The following ZBTB20 variants were observed in gnomAD, a reference collection of about 807,000 sequenced individuals.
ZBTB20 encodes zinc finger and BTB domain-containing protein 20.
In ZBTB20, 9 loss-of-function variants were observed where a neutral mutation model predicts 56.9. The observed-to-expected ratio is 0.16, with a 90% CI of 0.10 to 0.28. The LOEUF (loss-of-function observed/expected upper bound fraction) is 0.28. Ranked by LOEUF, ZBTB20 falls within the 10% of genes least tolerant of loss-of-function variation. The pLI is 1.00. For missense variants in ZBTB20, 655 were observed against 1,003.0 expected (o/e 0.65, Z 4.69); for synonymous variants, 417 against 420.7 (o/e 0.99, Z 0.11).
At chr3:115,005,720 G>C (rs554678635) in intron 2 of ZBTB20, among the ~76,000 whole-genome samples, 44 of 151,882 alleles carry the variant, frequency 2.9e-4, no homozygotes, top group Middle Eastern at 3.4e-3. Context: ...TGCCTTCTTA[G>C]TTGAGGTCAC....
chr3:114,555,182 C>G (rs192482708), intron 6 of ZBTB20, among the ~76,000 whole-genome samples: 7 of 152,240 alleles, frequency 4.6e-5, no homozygotes, highest in Non-Finnish European at 1.0e-4. Flanking sequence ...ATTTCTTCAT[C>G]ATATATTTTT....
intron 2 of ZBTB20, among the ~76,000 whole-genome samples, chr3:115,064,985 G>T (rs547787343): frequency 2.6e-4 from 39 of 152,024 alleles, no homozygotes; most frequent in Admixed American, 2.2e-3. Flanking sequence ...GAACCTTTGG[G>T]GCTGAAAAAT....
chr3:114,415,618 T>C (rs2088465876), intron 7 of ZBTB20, among the ~76,000 whole-genome samples: 1 of 152,128 alleles, frequency 6.6e-6, no homozygotes, highest in African/African-American at 2.4e-5. Context: ...TTGCACATAG[T>C]ACTTAATAAA....
intron 7 of ZBTB20, among the ~76,000 whole-genome samples, chr3:114,471,349 C>T (rs187226344): frequency 1.9e-4 from 29 of 152,266 alleles, no homozygotes; most frequent in Admixed American, 1.2e-3. Flanking sequence ...TGACTAGTGG[C>T]ATTTTACTCC....
chr3:114,594,690 G>C (rs181757588), intron 6 of ZBTB20, among the ~76,000 whole-genome samples: 1 of 152,212 alleles, frequency 6.6e-6, no homozygotes, highest in African/African-American at 2.4e-5. Context: ...CAAAAAGAGG[G>C]TAAGGTCTTA....
intron 6 of ZBTB20, among the ~76,000 whole-genome samples, chr3:114,534,220 G>C (rs1559923187): frequency 6.6e-6 from 1 of 152,084 alleles, no homozygotes; most frequent in Non-Finnish European, 1.5e-5. Flanking sequence ...AGACCCATCA[G>C]TGTGCTGCAT....
At chr3:114,587,081 C>G (rs186709835) in intron 6 of ZBTB20, among the ~76,000 whole-genome samples, 4 of 149,884 alleles carry the variant, frequency 2.7e-5, no homozygotes, top group Admixed American at 6.7e-5. Flanking sequence ...ACGGCAACCT[C>G]CATCTCCCGG....
At chr3:114,926,585 AG>A (rs1170129575) in intron 3 of ZBTB20, among the ~76,000 whole-genome samples, 1 of 152,244 alleles carries the variant, frequency 6.6e-6, no homozygotes, top group Non-Finnish European at 1.5e-5. Flanking sequence ...ACAAAAAACT[AG>A]AAAAATGTCT....
chr3:114,787,284 T>C (rs978537636), intron 5 of ZBTB20, among the ~76,000 whole-genome samples: 2 of 147,912 alleles, frequency 1.4e-5, no homozygotes, highest in Admixed American at 6.8e-5. Context: ...CAGCCATGAA[T>C]GAGTCTTAAT....
chr3:114,626,851 G>A (rs191323393), intron 6 of ZBTB20, among the ~76,000 whole-genome samples: 10 of 152,244 alleles, frequency 6.6e-5, no homozygotes, highest in Non-Finnish European at 1.5e-4. Flanking sequence ...GTTGATCATC[G>A]CAGCCTAATT....
At chr3:114,647,797 T>C (rs2059928384) in intron 6 of ZBTB20, among the ~76,000 whole-genome samples, 1 of 152,130 alleles carries the variant, frequency 6.6e-6, no homozygotes, top group South Asian at 2.1e-4. Context: ...AAAAAAGATA[T>C]GTAATCCTGA....
intron 2 of ZBTB20, among the ~76,000 whole-genome samples, chr3:115,005,990 A>T (rs1384287741): frequency 6.7e-6 from 1 of 149,248 alleles, no homozygotes; most frequent in African/African-American, 2.4e-5. Flanking sequence ...TTGTTCCTAG[A>T]CATTGCCAAA....
chr3:114,598,468 C>A (rs1372532609), intron 6 of ZBTB20, among the ~76,000 whole-genome samples: 1 of 151,192 alleles, frequency 6.6e-6, no homozygotes, highest in Non-Finnish European at 1.5e-5. Flanking sequence ...TGCTCAATCC[C>A]TCTTGTATAA....
chr3:114,368,817 A>G (rs1401470629), intron 10 of ZBTB20, among the ~76,000 whole-genome samples: 3 of 152,228 alleles, frequency 2.0e-5, no homozygotes, highest in Non-Finnish European at 4.4e-5. Context: ...AGGATTACTT[A>G]GGCCACTTCA....
chr3:114,691,863 T>G (rs1049859221), intron 6 of ZBTB20, among the ~76,000 whole-genome samples: 2 of 152,172 alleles, frequency 1.3e-5, no homozygotes, highest in African/African-American at 4.8e-5. Context: ...TTAATGAGCA[T>G]GTATCATTTT....
At chr3:114,874,643 G>C (rs543058765) in intron 4 of ZBTB20, among the ~76,000 whole-genome samples, 2 of 152,228 alleles carry the variant, frequency 1.3e-5, no homozygotes, top group Non-Finnish European at 2.9e-5. Flanking sequence ...CAGGAAACAG[G>C]CTACACAGAC....
chr3:114,583,619 G>A (rs1314803216), intron 6 of ZBTB20, among the ~76,000 whole-genome samples: 2 of 152,158 alleles, frequency 1.3e-5, no homozygotes, highest in East Asian at 3.9e-4. Flanking sequence ...AATAGGAACG[G>A]TGCAAGTGTT....
chr3:114,748,673 G>A (rs1523264), intron 5 of ZBTB20, among the ~76,000 whole-genome samples: 5,151 of 152,182 alleles, frequency 0.034, 140 homozygotes, highest in African/African-American at 0.069. Flanking sequence ...TGTAGAAAAT[G>A]AAGATTACTG....
At chr3:114,675,370 T>G (rs2061573738) in intron 6 of ZBTB20, among the ~76,000 whole-genome samples, 1 of 151,608 alleles carries the variant, frequency 6.6e-6, no homozygotes, top group African/African-American at 2.4e-5. Flanking sequence ...TCTACATACT[T>G]AGCTACTAAG....
Sources: gnomAD v4.1 joint callset for allele counts (sites outside exome capture counted in the v4.1 genomes callset) on GRCh38, gnomAD v4.1.1 for gene constraint, MANE v1.5 for transcripts, NCBI Gene and HGNC (gene_info 2026-07-23, HGNC 2026-07-21) for gene names.